FRAS1: variants seen among roughly 807,000 people sequenced by gnomAD.
The protein encoded by FRAS1 is Fraser extracellular matrix complex subunit 1.
A neutral mutation model predicts 435.2 loss-of-function variants in FRAS1; 290 were observed. That is an observed-to-expected ratio of 0.67 (90% CI 0.61 to 0.73). FRAS1 has a LOEUF of 0.73. Among genes scored for constraint, FRAS1 ranks in the 30% least tolerant of loss-of-function variants. FRAS1 has a pLI of 0.00. For missense variants in FRAS1, 4,860 were observed against 5,001.5 expected (o/e 0.97, Z 0.85); for synonymous variants, 1,800 against 1,851.0 (o/e 0.97, Z 0.71).
chr4:78,258,430 A>AT (rs1397616061), intron 6 of FRAS1, among the ~76,000 whole-genome samples: 4 of 151,358 alleles, frequency 2.6e-5, no homozygotes, highest in Non-Finnish European at 5.9e-5. Flanking sequence ...TGTTGCTGTC[A>AT]TACATGAAAG....
At chr4:78,297,201 C>T (rs1401322700) in intron 14 of FRAS1, among the ~76,000 whole-genome samples, 2 of 152,132 alleles carry the variant, frequency 1.3e-5, no homozygotes, top group Non-Finnish European at 2.9e-5. Flanking sequence ...TTTTTCTGTG[C>T]AGTTGTGAGT....
At position 78,379,790 on chromosome 4, in the gene FRAS1, G is replaced by A; in HGVS notation, c.3357G>A (p.Lys1119=). The change falls in exon 27 of 74, where the codon AAG becomes AAA. Residue 1119 remains lysine (K), a synonymous_variant. Coordinates refer to ENST00000512123, the MANE Select transcript of FRAS1 (RefSeq NM_025074.7). ...GSLILPIGSI[K]PLDFSLLNVQ... is the part of the protein sequence containing the mutation. The stretch of plus-strand genomic sequence containing the variant: ...TGATCCTCCCAATTGGTTCAATAAA[G>A]CCACTGGATTTTTCCCTCCTGAATG... 6.2e-7 allele frequency: 1 copy of A among 1,613,752 alleles called. No homozygotes were observed. Among genetic ancestry groups the A allele is most frequent in the Non-Finnish European group, 8.5e-7 (1 of 1,179,800 alleles).
rs1432305969 is a variant in FRAS1 at position 78,062,241 on chromosome 4, C to T, written c.77-3744C>T. On this transcript the variant is annotated intron_variant, in intron 1 of 73. Transcript: ENST00000512123. ...GTTGGAGCCTCATGCCAAATCTTACCGTAGTTCCAAAACAGTTGGCCCACT... is the reference window on the plus strand; with the variant it reads ...GTTGGAGCCTCATGCCAAATCTTACTGTAGTTCCAAAACAGTTGGCCCACT... 2.6e-5 allele frequency among the ~76,000 whole-genome samples: 4 copies of T among 152,144 alleles called. No individual in the cohort carries two copies. In the South Asian group the frequency reaches 6.2e-4, roughly 24 times the overall value.
intron 2 of FRAS1, among the ~76,000 whole-genome samples, chr4:78,215,109 C>T (rs928306689): frequency 6.6e-6 from 1 of 151,938 alleles, no homozygotes; most frequent in African/African-American, 2.4e-5. Flanking sequence ...TGTAACTTGA[C>T]GCTGGTCTAT....
At chr4:78,538,116 T>G (rs1183227033) in intron 72 of FRAS1, among the ~76,000 whole-genome samples, 2 of 152,220 alleles carry the variant, frequency 1.3e-5, no homozygotes, top group African/African-American at 4.8e-5. Context: ...TACAAAAATG[T>G]AAAACATTGC....
chr4:78,218,098 T>TCTCACACACACA (rs368430185), intron 2 of FRAS1, among the ~76,000 whole-genome samples: 1,527 of 39,720 alleles, frequency 0.038, 132 homozygotes, highest in Non-Finnish European at 0.056. Context: ...TCACTCTCTC[T>TCTCACACACACA]CACACACACA....
chr4:78,252,689 T>C, intron 5 of FRAS1, 138 bp downstream of exon 5: 2 of 863,286 alleles, frequency 2.3e-6, no homozygotes, highest in Non-Finnish European at 3.5e-6. Context: ...ATAGAAAGAG[T>C]ACAAAGAGAG....
chr4:78,516,611 A>G (rs1721223423), intron 66 of FRAS1, among the ~76,000 whole-genome samples: 1 of 152,278 alleles, frequency 6.6e-6, no homozygotes, highest in Admixed American at 6.5e-5. Flanking sequence ...GGTAATCTAT[A>G]AAGAAAAGAG....
At chr4:78,226,799 T>C (rs540249735) in intron 2 of FRAS1, among the ~76,000 whole-genome samples, 1 of 152,318 alleles carries the variant, frequency 6.6e-6, no homozygotes, top group East Asian at 1.9e-4. Context: ...ATTTTGTCTT[T>C]AGAACTCAAT....
intron 2 of FRAS1, among the ~76,000 whole-genome samples, chr4:78,117,035 A>T (rs952965179): frequency 2.4e-4 from 37 of 152,208 alleles, no homozygotes; most frequent in African/African-American, 7.0e-4. Context: ...GGTGGCGACA[A>T]AATCTCTCAG....
intron 18 of FRAS1, among the ~76,000 whole-genome samples, chr4:78,327,159 CT>C (rs1264717749): frequency 6.6e-6 from 1 of 152,108 alleles, no homozygotes; most frequent in Non-Finnish European, 1.5e-5. Flanking sequence ...AAGTTTGAGG[CT>C]TCAGAAATCT....
chr4:78,472,408 C>A, intron 52 of FRAS1, 78 bp downstream of exon 52: 1 of 1,273,690 alleles, frequency 7.9e-7, no homozygotes. Context: ...ATTCTTCTCA[C>A]AGCCACTTCC....
rs79191096 is a variant in FRAS1, at chr4:78,300,484, T to A, written c.1535-7582T>A. Among the ~76,000 whole-genome samples the A allele has an allele frequency of 2.1e-3, 312 of 152,128 alleles. 1 individual carries two copies. The highest frequency in any genetic ancestry group is 7.2e-3 in the African/African-American group (298 of 41,496). On this transcript the variant is annotated intron_variant, in intron 14 of 73. Coordinates refer to ENST00000512123, the MANE Select transcript of FRAS1 (RefSeq NM_025074.7). ...AACCAGATGATAAATAAGGAAACTT[T>A]CCTTTGTCTTTGCTTCCCACCCAAC...
chr4:78,354,294 GT>G, intron 20 of FRAS1, among the ~76,000 whole-genome samples: 1 of 152,244 alleles, frequency 6.6e-6, no homozygotes, highest in East Asian at 1.9e-4. Context: ...TATTTGGTTA[GT>G]TTTTTAAGAG....
intron 2 of FRAS1, among the ~76,000 whole-genome samples, chr4:78,081,427 A>G (rs1740889507): frequency 6.6e-6 from 1 of 152,138 alleles, no homozygotes; most frequent in South Asian, 2.1e-4. Context: ...CAGTGCTGGT[A>G]TAGATTTTGT....
intron 2 of FRAS1, among the ~76,000 whole-genome samples, chr4:78,142,877 G>C (rs971723320): frequency 6.6e-6 from 1 of 151,942 alleles, no homozygotes; most frequent in African/African-American, 2.4e-5. Context: ...TAAGGAATGT[G>C]CAACTAACAA....
Position 78,168,672 on chromosome 4 carries a change from T to C in FRAS1, c.109-68838T>C, listed in dbSNP as rs182133794. Among the ~76,000 whole-genome samples the C allele has an allele frequency of 7.9e-5, 12 of 152,248 alleles. No homozygotes were observed. The East Asian group carries it at 2.3e-3, about 29-fold the overall frequency. ...TTAGTTTTTCTTAAAATATTGTGAC[T>C]GTTGTCCTACTTTTCTCCCTCACCT... is the stretch of plus-strand genomic sequence containing the variant. On this transcript the variant is annotated intron_variant, in intron 2 of 73. Transcript: ENST00000512123.
chr4:78,527,201 A>G (rs886712722), intron 70 of FRAS1, among the ~76,000 whole-genome samples: 2 of 152,166 alleles, frequency 1.3e-5, no homozygotes, highest in Non-Finnish European at 2.9e-5. Flanking sequence ...CTGTGGCTCA[A>G]TATCCACTAA....
chr4:78,296,638 C>A (rs1728157205), intron 14 of FRAS1, among the ~76,000 whole-genome samples: 1 of 152,166 alleles, frequency 6.6e-6, no homozygotes, highest in Admixed American at 6.5e-5. Context: ...AAGTGTGAAG[C>A]CCCTGGGCGA....
Sources: allele counts gnomAD v4.1 joint callset (sites outside exome capture counted in the v4.1 genomes callset), GRCh38; gene constraint gnomAD v4.1.1; transcripts MANE v1.5; gene names NCBI Gene and HGNC (gene_info 2026-07-23, HGNC 2026-07-21).